Variants in FHAD1 observed in about 807,000 individuals in gnomAD.
FHAD1 encodes the protein forkhead associated phosphopeptide binding domain 1.
Under a neutral mutation model 191.3 loss-of-function variants are expected in FHAD1, and 146 were observed. The ratio of observed to expected loss-of-function variants is 0.76; its 90% CI spans 0.67 to 0.88. The LOEUF is 0.88. Among genes scored for constraint, FHAD1 ranks in the 40% least tolerant of loss-of-function variants. FHAD1 has a pLI of 0.00. For missense variants in FHAD1, 1,635 were observed against 1,785.8 expected, an observed-to-expected ratio of 0.92 and a Z score of 1.52; for synonymous variants, 616 against 672.3, an observed-to-expected ratio of 0.92 and a Z score of 1.29.
In FHAD1 at chr1:15,241,588, T is replaced by G. The variant is rs1230529208; in HGVS notation, c.-15+4827T>G. Among the ~76,000 whole-genome samples, 4 of 152,020 alleles carry G rather than the reference T, an allele frequency of 2.6e-5. No individual in the cohort carries two copies. In the East Asian group the frequency reaches 7.7e-4, roughly 29 times the overall value. On this transcript the variant is annotated intron_variant, in intron 1 of 33. Coordinates refer to the FHAD1 transcript ENST00000683790. ...TCACTTGAACACGGGAGGCAGAGGT[T>G]GCAGTGAGATCATATCATGGCACTC...
chr1:15,279,325 A>C (rs1343581610), intron 3 of FHAD1, among the ~76,000 whole-genome samples: 1 of 152,184 alleles, frequency 6.6e-6, no homozygotes, highest in Non-Finnish European at 1.5e-5. Context: ...AAGCAAAAGA[A>C]GGAGAAGAAG....
chr1:15,395,537 C>G (rs1157832552), intron 33 of FHAD1, among the ~76,000 whole-genome samples: 1 of 152,144 alleles, frequency 6.6e-6, no homozygotes. Context: ...CAGCCCATTA[C>G]CCCGACTCCT....
intron 33 of FHAD1, among the ~76,000 whole-genome samples, chr1:15,393,768 T>TC (rs1705014755): frequency 6.6e-6 from 1 of 150,930 alleles, no homozygotes; most frequent in Non-Finnish European, 1.5e-5. Context: ...GCCCCTGGCC[T>TC]CTTTTTTTTT....
chr1:15,391,332 T>C (rs961436502), intron 33 of FHAD1, 69 bp downstream of exon 33: 1 of 1,090,636 alleles, frequency 9.2e-7, no homozygotes, highest in Non-Finnish European at 1.2e-6. Context: ...TTTGTTTTGC[T>C]TGAGACGGAA....
chr1:15,394,376 T>C (rs1705224351), intron 33 of FHAD1, among the ~76,000 whole-genome samples: 1 of 152,156 alleles, frequency 6.6e-6, no homozygotes, highest in African/African-American at 2.4e-5. Context: ...AGCAATTTTA[T>C]TGAAAATCAA....
chr1:15,382,806 C>T (rs989492714), intron 31 of FHAD1, among the ~76,000 whole-genome samples: 6 of 152,210 alleles, frequency 3.9e-5, no homozygotes, highest in African/African-American at 1.4e-4. Context: ...CACAATGCCG[C>T]CAGTGACCGC....
chr1:15,303,266 C>A (rs1280107487), intron 6 of FHAD1, among the ~76,000 whole-genome samples: 1 of 152,208 alleles, frequency 6.6e-6, no homozygotes, highest in Non-Finnish European at 1.5e-5. Context: ...ATGAAAGGAG[C>A]TGGTCCTATA....
At chr1:15,388,216 A>C (rs1702660717) in intron 32 of FHAD1, 85 bp downstream of exon 32, 2 of 825,670 alleles carry the variant, frequency 2.4e-6, no homozygotes, top group Non-Finnish European at 3.5e-6. Flanking sequence ...AAATGCCTGC[A>C]CGCGCTGCCC....
chr1:15,244,361 C>G (rs1007134726), upstream of FHAD1, among the ~76,000 whole-genome samples: 1 of 152,178 alleles, frequency 6.6e-6, no homozygotes, highest in Non-Finnish European at 1.5e-5. The surrounding 1 kb of genome is among the most constrained non-coding windows in gnomAD (Gnocchi z 5.1). Context: ...TATCAGCTAA[C>G]AGCAACAGAT....
In FHAD1 at chr1:15,289,542, G is replaced by A. The variant is rs1414349716; in HGVS notation, c.444G>A (p.Trp148Ter). ...GVQPAPMQRS[W>*]SQAFPRPTVV... is the part of the protein sequence containing the mutation. ...AGCCAGCACCGATGCAAAGGAGCTG[G>A]TCCCAGGCCTTTCCCAGACCCACCG... is the stretch of plus-strand genomic sequence containing the variant. Residue 148 changes from tryptophan (W) to a stop codon, truncating the protein, a stop_gained, in exon 4 of 34, where the codon TGG (tryptophan) becomes TGA (stop). Coordinates refer to ENST00000688493, the MANE Select transcript of FHAD1 (RefSeq NM_001391957.1). LOFTEE classifies it high-confidence loss of function. This position sits in a 1 kb window ranked among gnomAD's most constrained non-coding sequence, Gnocchi z 4.2. 6.4e-7 allele frequency: 1 copy of A among 1,551,836 alleles called. No individual in the cohort carries two copies. Among genetic ancestry groups the A allele is most frequent in the South Asian group, 1.2e-5 (1 of 84,056 alleles).
chr1:15,393,235 CA>C (rs753031373), intron 33 of FHAD1: 108 of 152,132 alleles, frequency 7.1e-4, no homozygotes, highest in Non-Finnish European at 1.3e-3. Context: ...CCACCACGCC[CA>C]GCTAACTTTT....
At chr1:15,367,647 G>T (rs990238696) in intron 25 of FHAD1, 25 bp downstream of exon 25, 3 of 1,498,464 alleles carry the variant, frequency 2.0e-6, no homozygotes, top group African/African-American at 1.4e-5. Context: ...GGCCGGGTTG[G>T]GGGGATGGTT....
At chr1:15,256,693 C>A (rs1648307496) in intron 2 of FHAD1, among the ~76,000 whole-genome samples, 2 of 149,234 alleles carry the variant, frequency 1.3e-5, no homozygotes, top group South Asian at 4.2e-4. Flanking sequence ...CTGATCTCCT[C>A]CTTAGGACCT....
At chr1:15,269,917 T>C (rs868513627) in intron 2 of FHAD1, among the ~76,000 whole-genome samples, 68 of 65,990 alleles carry the variant, frequency 1.0e-3, no homozygotes, top group African/African-American at 3.0e-3. Flanking sequence ...ATGGCTCTCT[T>C]TTTTTTTTTT....
intron 28 of FHAD1, among the ~76,000 whole-genome samples, chr1:15,376,009 ATTCT>A (rs1157001420): frequency 2.0e-5 from 3 of 151,386 alleles, no homozygotes; most frequent in Non-Finnish European, 4.4e-5. Flanking sequence ...CATGTATGAT[ATTCT>A]TTATTTTATT....
intron 4 of FHAD1, among the ~76,000 whole-genome samples, chr1:15,296,421 T>G (rs546871145): frequency 6.6e-6 from 1 of 152,038 alleles, no homozygotes; most frequent in South Asian, 2.1e-4. Context: ...ACCTGGCTAA[T>G]TTTTTGTATT....
Position 15,296,744 on chromosome 1 carries a change from T to C in FHAD1, c.629T>C (p.Val210Ala), listed in dbSNP as rs529140966. 190 of 1,551,854 alleles carry C rather than the reference T, an allele frequency of 1.2e-4. No individual in the cohort carries two copies. The African/African-American group carries it at 2.4e-3, about 20-fold the overall frequency. ...GTGGCCGAGGGGATTCCTGGGGCAGTTCCCCCTGCGGAGATTTATGTGGAG... is the reference window on the plus strand; with the variant it reads ...GTGGCCGAGGGGATTCCTGGGGCAGCTCCCCCTGCGGAGATTTATGTGGAG... ...KSVAEGIPGAVPPAEIYVEED... is the reference protein window; with the variant it reads ...KSVAEGIPGAAPPAEIYVEED... Residue 210 changes from valine (V) to alanine (A), a missense_variant, in exon 5 of 34, where the codon GTT becomes GCT. Coordinates refer to ENST00000688493, the MANE Select transcript of FHAD1 (RefSeq NM_001391957.1).
chr1:15,345,577 G>A (rs35393264), intron 18 of FHAD1, 54 bp downstream of exon 18: 16,650 of 1,399,566 alleles, frequency 0.012, 154 homozygotes, highest in African/African-American at 0.039. Context: ...AGGGCCATGT[G>A]GAAGGAAGTT....
intron 6 of FHAD1, among the ~76,000 whole-genome samples, chr1:15,307,221 C>T (rs1670777483): frequency 6.6e-6 from 1 of 152,150 alleles, no homozygotes; most frequent in South Asian, 2.1e-4. Context: ...TTGTTTTGGC[C>T]AATTTCTCCC....
Sources: allele counts gnomAD v4.1 joint callset (sites outside exome capture counted in the v4.1 genomes callset), GRCh38; gene constraint gnomAD v4.1.1; non-coding constraint Gnocchi (gnomAD v3.1); transcripts MANE v1.5; gene names NCBI Gene and HGNC (gene_info 2026-07-23, HGNC 2026-07-21).